Variants in RBFOX3 observed in about 807,000 individuals in gnomAD.
RBFOX3 encodes RNA binding fox-1 homolog 3.
In RBFOX3, 17 loss-of-function variants were observed where a neutral mutation model predicts 48.7. The ratio of observed to expected loss-of-function variants is 0.35; its 90% confidence interval spans 0.24 to 0.52. RBFOX3 has a LOEUF of 0.52. Ranked by LOEUF, RBFOX3 falls within the 20% of genes least tolerant of loss-of-function variation. The pLI is 0.94. For missense variants in RBFOX3, 382 were observed against 497.5 expected (o/e 0.77, Z 2.21); for synonymous variants, 212 against 209.5 (o/e 1.01, Z -0.10).
intron 2 of RBFOX3, among the ~76,000 whole-genome samples, chr17:79,417,053 G>A (rs1300299855): frequency 3.9e-5 from 6 of 152,300 alleles, no homozygotes; most frequent in South Asian, 2.1e-4. Context: ...TGTCCCTGCC[G>A]CTCTCCCCAG....
intron 2 of RBFOX3, among the ~76,000 whole-genome samples, chr17:79,396,614 G>A (rs2062023381): frequency 1.3e-5 from 2 of 152,146 alleles, no homozygotes; most frequent in Non-Finnish European, 2.9e-5. Context: ...CCTCACAGGT[G>A]CTGGCCACCC....
At position 79,229,230 on chromosome 17, in the gene RBFOX3, CAAAAAAAAAAAAAAAAA is replaced by C. The variant is rs59934894; in HGVS notation, c.-34+6519_-34+6535del. 1.2e-3 allele frequency among the ~76,000 whole-genome samples: 39 copies of C among 33,742 alleles called. 1 individual carries two copies. The highest frequency in any genetic ancestry group is 6.3e-3 in the Admixed American group (13 of 2,052). The allele number at this position is 33,742 out of a possible 152,430, so 22.1% of individuals were successfully genotyped here. On this transcript the variant is annotated intron_variant, in intron 4 of 14. Transcript: ENST00000693108. The stretch of plus-strand genomic sequence containing the variant: ...GGTGACAGTGTGAATGAGACTCTGT[CAAAAAAAAAAAAAAAAA>C]AAAAAAAAAAAAAAAAAAAAGGGAC...
At position 79,138,321 on chromosome 17, in the gene RBFOX3, G is replaced by A. The variant is rs1489194364; in HGVS notation, c.-33-22573C>T. Among the ~76,000 whole-genome samples, 4 of 151,914 alleles carry A rather than the reference G, an allele frequency of 2.6e-5. No individual in the cohort carries two copies. The South Asian group carries it at 6.2e-4, about 24-fold the overall frequency. The stretch of plus-strand genomic sequence containing the variant: ...ACTCGCACACTGTGTGGACTCACCC[G>A]AGCACGCTCGTGTGTACCATGTCAC... On this transcript the variant is annotated intron_variant, in intron 4 of 14. Coordinates refer to ENST00000693108, the MANE Select transcript of RBFOX3 (RefSeq NM_001350451.2).
chr17:79,404,848 C>T (rs2063338516), intron 2 of RBFOX3, among the ~76,000 whole-genome samples: 1 of 152,212 alleles, frequency 6.6e-6, no homozygotes, highest in African/African-American at 2.4e-5. Flanking sequence ...TAACTCTTTC[C>T]TCTATATGTG....
chr17:79,375,048 T>A (rs187970695), intron 2 of RBFOX3, among the ~76,000 whole-genome samples: 4 of 152,128 alleles, frequency 2.6e-5, no homozygotes, highest in African/African-American at 4.8e-5. Context: ...CAGATCCTGG[T>A]CCCCTGGGCT....
At chr17:79,110,748 G>A (rs1333158953) in intron 5 of RBFOX3, among the ~76,000 whole-genome samples, 1 of 152,212 alleles carries the variant, frequency 6.6e-6, no homozygotes, top group Non-Finnish European at 1.5e-5. Flanking sequence ...TGGCTCCCAC[G>A]TGGCATTTGA....
At position 79,432,204 on chromosome 17, in the gene RBFOX3, G is replaced by A. The variant is rs541537799; in HGVS notation, c.-175+50250C>T. ...TTTGTTTCTCCATTCATCTGTGGCTGGACGCTTGGGTTTTCCACCTCTTGG... is the reference window on the plus strand; with the variant it reads ...TTTGTTTCTCCATTCATCTGTGGCTAGACGCTTGGGTTTTCCACCTCTTGG... On this transcript the variant is annotated intron_variant, in intron 2 of 14. Transcript: ENST00000693108. 2.6e-5 allele frequency among the ~76,000 whole-genome samples: 4 copies of A among 152,344 alleles called. No individual in the cohort carries two copies. The East Asian group carries it at 7.7e-4, about 29-fold the overall frequency.
intron 2 of RBFOX3, among the ~76,000 whole-genome samples, chr17:79,464,502 C>A (rs1273719834): frequency 6.6e-6 from 1 of 152,216 alleles, no homozygotes; most frequent in Non-Finnish European, 1.5e-5. Flanking sequence ...GGCCCGAGGA[C>A]AGGCGACAGA....
chr17:79,091,881 A>G, intron 14 of RBFOX3: 53 of 827,066 alleles, frequency 6.4e-5, no homozygotes, highest in Non-Finnish European at 7.6e-5. Flanking sequence ...AAGGAGTCGC[A>G]GAGACTGGCG....
At chr17:79,512,566 C>G (rs1454375078) in intron 1 of RBFOX3, among the ~76,000 whole-genome samples, 3 of 148,952 alleles carry the variant, frequency 2.0e-5, no homozygotes, top group Non-Finnish European at 4.5e-5. Flanking sequence ...CCAGGGGACA[C>G]CCACCCAGAT....
At position 79,090,860 on chromosome 17, in the gene RBFOX3, C is replaced by T. The variant is rs575483416; in HGVS notation, c.*23G>A. ...TTTTTTGTTTTTGCCCTTCATGGTCCGAGAAGGAAACGGTGGAAGGTTTCA... is the reference window on the plus strand; with the variant it reads ...TTTTTTGTTTTTGCCCTTCATGGTCTGAGAAGGAAACGGTGGAAGGTTTCA... On this transcript the variant is annotated 3_prime_UTR_variant, in exon 15 of 15. Transcript: ENST00000693108. 20 of 1,519,164 alleles carry T rather than the reference C, an allele frequency of 1.3e-5. No individual in the cohort carries two copies. Among genetic ancestry groups the T allele is most frequent in the South Asian group, 2.5e-5 (2 of 79,364 alleles). 94.1% of individuals were successfully genotyped at this position (1,519,164 alleles called of 1,614,324 possible).
At chr17:79,474,676 C>T (rs1165617147) in intron 2 of RBFOX3, among the ~76,000 whole-genome samples, 2 of 152,122 alleles carry the variant, frequency 1.3e-5, no homozygotes, top group East Asian at 1.9e-4. Context: ...TCCCTGGTGC[C>T]ATTAGTTCCT....
chr17:79,090,803 T>G lies in RBFOX3; in HGVS notation c.*80A>C. On this transcript the variant is annotated 3_prime_UTR_variant, in exon 15 of 15. Coordinates refer to ENST00000693108, the MANE Select transcript of RBFOX3 (RefSeq NM_001350451.2). ...TTGTTGCTTGGATCTTAACATCTTT[T>G]TTTGTTTTTTTTGTTTTGTGATTTT... is the stretch of plus-strand genomic sequence containing the variant. The G allele has an allele frequency of 6.9e-7, 1 of 1,450,784 alleles. No individual in the cohort carries two copies. The highest frequency in any genetic ancestry group is 9.2e-7 in the Non-Finnish European group (1 of 1,082,490). The allele number at this position is 1,450,784 out of a possible 1,614,324, so 89.9% of individuals were successfully genotyped here.
chr17:79,122,575 G>A (rs2036041993), intron 4 of RBFOX3, among the ~76,000 whole-genome samples: 1 of 152,214 alleles, frequency 6.6e-6, no homozygotes, highest in South Asian at 2.1e-4. Context: ...GCGAGGATGT[G>A]GAGAAAAGGG....
intron 4 of RBFOX3, among the ~76,000 whole-genome samples, chr17:79,118,703 T>TG (rs1213058026): frequency 6.6e-6 from 1 of 151,908 alleles, no homozygotes; most frequent in Non-Finnish European, 1.5e-5. Flanking sequence ...TTGGGTGCAG[T>TG]GGCTTATTCC....
intron 2 of RBFOX3, among the ~76,000 whole-genome samples, chr17:79,467,788 T>C (rs969610402): frequency 6.6e-5 from 10 of 152,070 alleles, no homozygotes; most frequent in Non-Finnish European, 1.3e-4. Flanking sequence ...AATCACAGTG[T>C]TTCTCTCTGC....
chr17:79,408,741 G>A (rs1000671540), intron 2 of RBFOX3, among the ~76,000 whole-genome samples: 2 of 152,088 alleles, frequency 1.3e-5, no homozygotes, highest in East Asian at 1.9e-4. Flanking sequence ...GAATTATAAC[G>A]CCAGGTAAAG....
intron 1 of RBFOX3, among the ~76,000 whole-genome samples, chr17:79,558,748 A>C (rs1220887458): frequency 1.3e-5 from 2 of 152,158 alleles, no homozygotes; most frequent in African/African-American, 4.8e-5. Context: ...CAGTGCGCGG[A>C]GGCTGCGTGG....
intron 2 of RBFOX3, among the ~76,000 whole-genome samples, chr17:79,411,878 G>C (rs550999192): frequency 6.6e-6 from 1 of 152,362 alleles, no homozygotes; most frequent in South Asian, 2.1e-4. Flanking sequence ...AACAATGTGT[G>C]TGCAGCGTGT....
Sources: allele counts gnomAD v4.1 joint callset (sites outside exome capture counted in the v4.1 genomes callset), GRCh38; gene constraint gnomAD v4.1.1; transcripts MANE v1.5; gene names NCBI Gene and HGNC (gene_info 2026-07-23, HGNC 2026-07-21).